The following CLEC5A variants were observed in gnomAD, a reference collection of about 807,000 sequenced individuals.
CLEC5A encodes C-type lectin domain family 5 member A.
In CLEC5A, 15 loss-of-function variants were observed where a neutral mutation model predicts 24.4. The ratio of observed to expected loss-of-function variants is 0.62; its 90% CI spans 0.41 to 0.95. The LOEUF is 0.95. Among genes scored for constraint, CLEC5A ranks in the 40% least tolerant of loss-of-function variants. The pLI, the probability that CLEC5A is intolerant of heterozygous loss-of-function variation, is 0.00. For missense variants in CLEC5A, 211 were observed against 224.0 expected (o/e 0.94, Z 0.37); for synonymous variants, 71 against 72.6 (o/e 0.98, Z 0.11).
chr7:141,930,625 T>A (rs1463032500), intron 6 of CLEC5A, among the ~76,000 whole-genome samples: 8 of 152,172 alleles, frequency 5.3e-5, no homozygotes, highest in Non-Finnish European at 1.0e-4. Flanking sequence ...AGGTTGTGCA[T>A]CCCTTTCCAG....
chr7:141,933,849 G>T (rs77295624), intron 5 of CLEC5A, among the ~76,000 whole-genome samples: 4,587 of 152,018 alleles, frequency 0.03, 116 homozygotes, highest in Non-Finnish European at 0.043. Context: ...TGCCCAGAGG[G>T]AGAAAGAGTT....
At position 141,940,808 on chromosome 7, in the gene CLEC5A, C is replaced by T. The variant is rs112456255; in HGVS notation, c.208+3088G>A. Among the ~76,000 whole-genome samples the T allele has an allele frequency of 9.0e-3, 1,372 of 151,984 alleles. 6 individuals carry two copies. The highest frequency in any genetic ancestry group is 0.027 in the Middle Eastern group (8 of 294). On this transcript the variant is annotated intron_variant, in intron 4 of 6. Transcript: ENST00000546910. The stretch of plus-strand genomic sequence containing the variant: ...AGTGACTGCTATGAGCAACTATATG[C>T]CAATAAATTGGAAAATCTAGAAGAA...
At chr7:141,939,038 G>T (rs782782766) in intron 4 of CLEC5A, among the ~76,000 whole-genome samples, 2 of 152,156 alleles carry the variant, frequency 1.3e-5, no homozygotes, top group Non-Finnish European at 2.9e-5. Context: ...TAATCTGAAA[G>T]TAAAGGACAT....
intron 4 of CLEC5A, among the ~76,000 whole-genome samples, chr7:141,943,123 C>A (rs1289118581): frequency 1.3e-5 from 2 of 152,154 alleles, no homozygotes; most frequent in African/African-American, 4.8e-5. Flanking sequence ...CATCTGCACT[C>A]CCGTTTTTAT....
At chr7:141,933,086 C>T (rs1020829905) in intron 5 of CLEC5A, among the ~76,000 whole-genome samples, 2 of 152,038 alleles carry the variant, frequency 1.3e-5, no homozygotes, top group Non-Finnish European at 1.5e-5. Context: ...GTCAGTGGTC[C>T]CATCATGTTT....
intron 4 of CLEC5A, 94 bp downstream of exon 4, chr7:141,943,802 A>T: frequency 1.1e-6 from 1 of 897,158 alleles, no homozygotes; most frequent in Non-Finnish European, 1.8e-6. Flanking sequence ...GAGCAAAAAA[A>T]TTCCATAAGA....
chr7:141,931,829 G>T lies in CLEC5A; in HGVS notation c.346-3C>A. Reference sequence around the variant, plus strand: ...TCAGTTATGTCCTGAAGAAACTTCTGGAAATAAAAAAAAAATTTTACCAGT... The same window carrying T: ...TCAGTTATGTCCTGAAGAAACTTCTTGAAATAAAAAAAAAATTTTACCAGT... On this transcript the variant is annotated splice_polypyrimidine_tract_variant and splice_region_variant and intron_variant, in intron 5 of 6. Coordinates refer to ENST00000546910, the MANE Select transcript of CLEC5A (RefSeq NM_013252.3). 2.0e-6 allele frequency: 3 copies of T among 1,492,276 alleles called. No homozygotes were observed. The highest frequency in any genetic ancestry group is 1.8e-6 in the Non-Finnish European group (2 of 1,089,548). The allele number at this position is 1,492,276 out of a possible 1,614,324, so 92.4% of individuals were successfully genotyped here.
intron 2 of CLEC5A, 146 bp from the exon 3 acceptor site, chr7:141,945,546 G>A (rs879952584): frequency 8.9e-6 from 6 of 671,712 alleles, no homozygotes; most frequent in African/African-American, 1.8e-5. Flanking sequence ...ATGCATAAAT[G>A]TGGTTTTGTG....
chr7:141,934,771 A>C (rs782104268), intron 5 of CLEC5A, among the ~76,000 whole-genome samples: 2 of 151,926 alleles, frequency 1.3e-5, no homozygotes, highest in Non-Finnish European at 2.9e-5. Flanking sequence ...GATTTCAGGC[A>C]TGCACCACCT....
intron 4 of CLEC5A, among the ~76,000 whole-genome samples, chr7:141,936,597 G>A (rs978406439): frequency 4.6e-5 from 7 of 152,058 alleles, no homozygotes; most frequent in Admixed American, 1.3e-4. Flanking sequence ...ATTGCTTTGG[G>A]GCCCTAAATA....
At chr7:141,934,613 G>GTTTTTTTTTTT (rs577797546) in intron 5 of CLEC5A, among the ~76,000 whole-genome samples, 3 of 61,786 alleles carry the variant, frequency 4.9e-5, no homozygotes, top group African/African-American at 2.0e-4. Context: ...TTTCTTTAAC[G>GTTTTTTTTTTT]TTTTTTTTTT....
chr7:141,946,108 G>A (rs1439423122), intron 2 of CLEC5A, 106 bp downstream of exon 2: 37 of 1,267,194 alleles, frequency 2.9e-5, no homozygotes, highest in Middle Eastern at 1.9e-4. Flanking sequence ...GTCTCAGGTG[G>A]AAAGACTTGG....
In CLEC5A at chr7:141,928,240, C is replaced by A. The variant is rs77470607; in HGVS notation, c.*1864G>T. On this transcript the variant is annotated 3_prime_UTR_variant, in exon 7 of 7. Coordinates refer to ENST00000546910, the MANE Select transcript of CLEC5A (RefSeq NM_013252.3). ...TTTAGAACCTGCACAGAAGTGTCTC[C>A]TAATCTTGGGGGAAATTAAACTGTC... The A allele has an allele frequency of 0.018, 2,758 of 152,708 alleles. 49 individuals are homozygous for A. Among genetic ancestry groups the A allele is most frequent in the South Asian group, 0.068 (328 of 4,810 alleles). 9.5% of individuals were successfully genotyped at this position (152,708 alleles called of 1,614,324 possible). A position where few individuals can be genotyped will look rare whatever the true frequency, so the allele number is the denominator to read the frequency against.
In CLEC5A at chr7:141,929,969, AAAG is replaced by A; in HGVS notation, c.*132_*134del. 1 of 641,792 alleles carries A rather than the reference AAAG, an allele frequency of 1.6e-6. No homozygotes were observed. 39.8% of individuals were successfully genotyped at this position (641,792 alleles called of 1,614,324 possible). On this transcript the variant is annotated 3_prime_UTR_variant, in exon 7 of 7. Transcript: ENST00000546910. The stretch of plus-strand genomic sequence containing the variant: ...AGCATCCAGTCCCCCAGTGCAGAAG[AAAG>A]AAGCTCAGTTTCCCAAATGGGCAAG...
In CLEC5A at chr7:141,939,426, C is replaced by T. The variant is rs578085843; in HGVS notation, c.209-3476G>A. 7.9e-5 allele frequency among the ~76,000 whole-genome samples: 12 copies of T among 151,558 alleles called. No individual in the cohort carries two copies. In the South Asian group the frequency reaches 1.9e-3, roughly 24 times the overall value. ...TAGTAACCTTGAATCAAAAAATATACAGTAGATATATGAAAAACAAAAAGC... is the reference window on the plus strand; with the variant it reads ...TAGTAACCTTGAATCAAAAAATATATAGTAGATATATGAAAAACAAAAAGC... On this transcript the variant is annotated intron_variant, in intron 4 of 6. Transcript: ENST00000546910.
At chr7:141,933,478 G>T (rs995260831) in intron 5 of CLEC5A, among the ~76,000 whole-genome samples, 1 of 150,932 alleles carries the variant, frequency 6.6e-6, no homozygotes, top group Admixed American at 6.6e-5. Flanking sequence ...ACTGTGCAAG[G>T]CCTGATATGA....
intron 4 of CLEC5A, among the ~76,000 whole-genome samples, chr7:141,937,165 G>A (rs1264657700): frequency 6.6e-6 from 1 of 151,694 alleles, no homozygotes; most frequent in African/African-American, 2.4e-5. Context: ...AAGTAAAGGG[G>A]GCTTTGTCTT....
chr7:141,935,985 C>T (rs1031612080), intron 4 of CLEC5A, 35 bp from the exon 5 acceptor site: 3 of 1,598,694 alleles, frequency 1.9e-6, no homozygotes, highest in Admixed American at 1.7e-5. Context: ...TACGAGTTTA[C>T]TGGTTTGGGT....
At chr7:141,931,148 A>T (rs782713270) in intron 6 of CLEC5A, among the ~76,000 whole-genome samples, 9 of 152,232 alleles carry the variant, frequency 5.9e-5, no homozygotes, top group Non-Finnish European at 1.0e-4. Flanking sequence ...CCTTTCTTAG[A>T]TAAAGAAGGC....
Sources: gnomAD v4.1 joint callset for allele counts (sites outside exome capture counted in the v4.1 genomes callset) on GRCh38, gnomAD v4.1.1 for gene constraint, MANE v1.5 for transcripts, NCBI Gene and HGNC (gene_info 2026-07-23, HGNC 2026-07-21) for gene names.